The following CCDC181 variants were observed in gnomAD, a reference collection of about 807,000 sequenced individuals.
CCDC181 encodes coiled-coil domain containing 181, also known as coiled-coil domain-containing protein 181.
A neutral mutation model predicts 58.7 loss-of-function variants in CCDC181; 35 were observed. That is an observed-to-expected ratio of 0.60 (90% CI 0.46 to 0.79). The LOEUF (loss-of-function observed/expected upper bound fraction) is 0.79. Among genes scored for constraint, CCDC181 ranks in the 30% least tolerant of loss-of-function variants. The pLI is 0.00. For missense variants in CCDC181, 517 were observed against 583.9 expected (o/e 0.89, Z 1.18); for synonymous variants, 183 against 197.5 (o/e 0.93, Z 0.62).
In CCDC181 at chr1:169,406,744, CCTG is replaced by C. The variant is rs539746154; in HGVS notation, c.1216-9356_1216-9354del. The stretch of plus-strand genomic sequence containing the variant: ...GGCACATGTATACATATGTAACAAA[CCTG>C]CACGTTGTGGCACATGTACCCTAGA... On this transcript the variant is annotated intron_variant, in intron 4 of 5. Transcript: ENST00000367806. Among the ~76,000 whole-genome samples, 540 of 151,848 alleles carry C rather than the reference CCTG, an allele frequency of 3.6e-3. 4 individuals carry two copies. The highest frequency in any genetic ancestry group is 0.012 in the African/African-American group (503 of 41,382).
chr1:169,395,306 T>A lies in CCDC181; in HGVS notation c.1371-100A>T. On this transcript the variant is annotated intron_variant, in intron 5 of 5. Transcript: ENST00000367806. Reference sequence around the variant, plus strand: ...TAGACAAAATAAATGGACATTTCTTTACAATGAAATACTGTCACAGCACAA... The same window carrying A: ...TAGACAAAATAAATGGACATTTCTTAACAATGAAATACTGTCACAGCACAA... 5.9e-6 allele frequency: 6 copies of A among 1,023,618 alleles called. No individual in the cohort carries two copies. The South Asian group carries it at 1.7e-4, about 29-fold the overall frequency. The allele number at this position is 1,023,618 out of a possible 1,614,324, so 63.4% of individuals were successfully genotyped here.
In CCDC181 at chr1:169,421,884, A is replaced by G; in HGVS notation, c.547T>C (p.Phe183Leu). Residue 183 changes from phenylalanine (F) to leucine (L), a missense_variant, in exon 3 of 6, where the codon TTT becomes CTT. Coordinates refer to ENST00000367806, the MANE Select transcript of CCDC181 (RefSeq NM_001300969.2). The part of the protein sequence containing the change: ...KNYFENERNM[F>L]GKLSQLCISN... ...ATACATAATTGTGACAGTTTCCCAAACATATTCCTTTCGTTTTCAAAATAA... is the reference window on the plus strand; with the variant it reads ...ATACATAATTGTGACAGTTTCCCAAGCATATTCCTTTCGTTTTCAAAATAA... The G allele has an allele frequency of 1.9e-6, 3 of 1,613,864 alleles. No individual in the cohort carries two copies. The highest frequency in any genetic ancestry group is 2.5e-6 in the Non-Finnish European group (3 of 1,179,964).
intron 2 of CCDC181, among the ~76,000 whole-genome samples, chr1:169,451,785 G>A (rs12071630): frequency 0.042 from 6,374 of 151,974 alleles, 197 homozygotes; most frequent in East Asian, 0.12. Flanking sequence ...TCAAGATAAT[G>A]TGCTAATAGG....
chr1:169,398,103 A>G (rs1655150283), intron 4 of CCDC181, among the ~76,000 whole-genome samples: 1 of 152,200 alleles, frequency 6.6e-6, no homozygotes, highest in South Asian at 2.1e-4. Flanking sequence ...GGATCTAAAG[A>G]ATCATTGCCA....
At chr1:169,418,092 G>A (rs370023094) in intron 4 of CCDC181, among the ~76,000 whole-genome samples, 1 of 152,120 alleles carries the variant, frequency 6.6e-6, no homozygotes, top group Admixed American at 6.5e-5. Context: ...TCTTTTGGGA[G>A]GTTACTTTTG....
intron 4 of CCDC181, among the ~76,000 whole-genome samples, chr1:169,398,296 G>T (rs1454225949): frequency 6.6e-6 from 1 of 152,080 alleles, no homozygotes; most frequent in Non-Finnish European, 1.5e-5. Context: ...GAGGATTTTT[G>T]AATGTTCTCA....
chr1:169,441,023 G>C (rs1054678246), intron 2 of CCDC181, among the ~76,000 whole-genome samples: 6 of 150,462 alleles, frequency 4.0e-5, no homozygotes, highest in African/African-American at 1.5e-4. Context: ...CAAACATACT[G>C]TGAAAGCTAA....
At chr1:169,399,979 T>C (rs953132472) in intron 4 of CCDC181, among the ~76,000 whole-genome samples, 59 of 152,278 alleles carry the variant, frequency 3.9e-4, no homozygotes, top group African/African-American at 1.4e-3. Context: ...GAAGCAGTCA[T>C]GTGGAGGGAT....
In CCDC181 at chr1:169,421,232, A is replaced by G; in HGVS notation, c.1068+131T>C. 7 of 692,210 alleles carry G rather than the reference A, an allele frequency of 1.0e-5. 1 individual carries two copies. Among genetic ancestry groups the G allele is most frequent in the South Asian group, 7.9e-5 (4 of 50,542 alleles). 42.9% of individuals were successfully genotyped at this position (692,210 alleles called of 1,614,324 possible). The stretch of plus-strand genomic sequence containing the variant: ...AATGCACATTCTTAACACTTAATCA[A>G]TCTAACAATAGATAAATAAAGCAAT... On this transcript the variant is annotated intron_variant, in intron 3 of 5. Coordinates refer to ENST00000367806, the MANE Select transcript of CCDC181 (RefSeq NM_001300969.2).
chr1:169,401,758 T>C (rs7554703), intron 4 of CCDC181, among the ~76,000 whole-genome samples: 68,476 of 151,998 alleles, frequency 0.45, 16,006 homozygotes, highest in Non-Finnish European at 0.5. Flanking sequence ...TCCAAAGGAA[T>C]GCAGCTCTTC....
intron 2 of CCDC181, among the ~76,000 whole-genome samples, chr1:169,434,794 CAT>C (rs1657011432): frequency 6.6e-6 from 1 of 152,090 alleles, no homozygotes. Flanking sequence ...TGCTATTAAA[CAT>C]AATACTGGAA....
At chr1:169,457,744 A>C (rs565137369) in intron 2 of CCDC181, among the ~76,000 whole-genome samples, 136 of 152,286 alleles carry the variant, frequency 8.9e-4, no homozygotes, top group African/African-American at 3.2e-3. Context: ...TTTTAGTGCT[A>C]AATTTAATAA....
intron 2 of CCDC181, among the ~76,000 whole-genome samples, chr1:169,441,622 G>A (rs1009387299): frequency 1.3e-5 from 2 of 152,138 alleles, no homozygotes; most frequent in African/African-American, 4.8e-5. Context: ...TTAAGAACAT[G>A]TAAGAACAGG....
intron 2 of CCDC181, among the ~76,000 whole-genome samples, chr1:169,449,627 T>A (rs536916826): frequency 6.6e-6 from 1 of 152,294 alleles, no homozygotes; most frequent in Non-Finnish European, 1.5e-5. Flanking sequence ...GGCAAACCAA[T>A]GGTGTAGGTC....
upstream of CCDC181, among the ~76,000 whole-genome samples, chr1:169,429,270 C>T (rs1409479877): frequency 6.6e-6 from 1 of 152,120 alleles, no homozygotes; most frequent in African/African-American, 2.4e-5. Flanking sequence ...TAAACATGTG[C>T]AAGTGTCTTT....
At chr1:169,411,716 G>T (rs941517770) in intron 4 of CCDC181, among the ~76,000 whole-genome samples, 2 of 152,272 alleles carry the variant, frequency 1.3e-5, no homozygotes, top group East Asian at 3.9e-4. Context: ...ATGCAAGGCT[G>T]GTTCAACATA....
intron 2 of CCDC181, among the ~76,000 whole-genome samples, chr1:169,451,735 G>A (rs6673326): frequency 0.62 from 87,264 of 139,904 alleles, 25,511 homozygotes; most frequent in East Asian, 0.9. Context: ...GCAATTTAAA[G>A]AAAAAAAAAA....
intron 2 of CCDC181, among the ~76,000 whole-genome samples, chr1:169,434,212 A>G (rs577812315): frequency 6.6e-6 from 1 of 152,168 alleles, no homozygotes; most frequent in East Asian, 1.9e-4. Context: ...ATCACTAATT[A>G]TTAGAGACAT....
At chr1:169,401,868 G>A (rs994971134) in intron 4 of CCDC181, among the ~76,000 whole-genome samples, 5 of 152,066 alleles carry the variant, frequency 3.3e-5, no homozygotes, top group African/African-American at 1.2e-4. Flanking sequence ...AGCTAAAGAA[G>A]GATGTTTGAA....
Sources: gnomAD v4.1 joint callset for allele counts (sites outside exome capture counted in the v4.1 genomes callset) on GRCh38, gnomAD v4.1.1 for gene constraint, MANE v1.5 for transcripts, NCBI Gene and HGNC (gene_info 2026-07-23, HGNC 2026-07-21) for gene names.